Variants in DENND1A observed in about 807,000 individuals in gnomAD.
DENND1A encodes DENN domain-containing protein 1A.
A neutral mutation model predicts 113.7 loss-of-function variants in DENND1A; 51 were observed. The observed-to-expected ratio is 0.45, with a 90% CI of 0.36 to 0.57. The LOEUF is 0.57. Among genes scored for constraint, DENND1A ranks in the 20% least tolerant of loss-of-function variants. DENND1A has a pLI of 0.00. For synonymous variants in DENND1A, 565 were observed against 570.8 expected (o/e 0.99, Z 0.14); for missense variants, 1,258 against 1,395.9 (o/e 0.90, Z 1.57).
At chr9:123,727,562 T>C (rs1420391149) in intron 5 of DENND1A, among the ~76,000 whole-genome samples, 1 of 152,120 alleles carries the variant, frequency 6.6e-6, no homozygotes, top group Admixed American at 6.6e-5. Context: ...AAACAGATGA[T>C]GACTCAAAGG....
At chr9:123,563,144 C>T (rs1438225280) in intron 12 of DENND1A, among the ~76,000 whole-genome samples, 1 of 152,082 alleles carries the variant, frequency 6.6e-6, no homozygotes, top group Non-Finnish European at 1.5e-5. Flanking sequence ...AAGACACAAC[C>T]ACAATGGCAG....
At chr9:123,580,867 G>A (rs1040892574) in intron 12 of DENND1A, among the ~76,000 whole-genome samples, 1 of 152,188 alleles carries the variant, frequency 6.6e-6, no homozygotes, top group Non-Finnish European at 1.5e-5. Flanking sequence ...CTGCCTCAGA[G>A]GGAGGCGGGA....
chr9:123,529,331 G>A (rs534314639), intron 13 of DENND1A, among the ~76,000 whole-genome samples: 27 of 152,126 alleles, frequency 1.8e-4, no homozygotes, highest in Admixed American at 1.2e-3. Flanking sequence ...CTTCTCCCCC[G>A]ACTGTAGTGA....
chr9:123,887,907 T>C (rs549930338), intron 1 of DENND1A, among the ~76,000 whole-genome samples: 2 of 152,260 alleles, frequency 1.3e-5, no homozygotes, highest in South Asian at 2.1e-4. Flanking sequence ...AATGCAGATA[T>C]TAGAATGTGC....
At chr9:123,679,975 A>G (rs1334110279) in intron 5 of DENND1A, among the ~76,000 whole-genome samples, 1 of 152,068 alleles carries the variant, frequency 6.6e-6, no homozygotes, top group Non-Finnish European at 1.5e-5. Flanking sequence ...GGCTCTGTCC[A>G]AGGCTGTGGC....
At chr9:123,445,642 G>T (rs1252914657) in intron 18 of DENND1A, among the ~76,000 whole-genome samples, 1 of 152,158 alleles carries the variant, frequency 6.6e-6, no homozygotes, top group Non-Finnish European at 1.5e-5. Flanking sequence ...AGGCCGAGGC[G>T]GGCAGATCAC....
rs905013819 is a variant in DENND1A, at chr9:123,925,193, G to A, written c.17+4696C>T. ...GTCTAACACAATTCCTGGCATTTAA[G>A]TGCCAGGAATAAATGGTAATATTTT... On this transcript the variant is annotated intron_variant, in intron 1 of 23. Transcript: ENST00000394215. Among the ~76,000 whole-genome samples the A allele has an allele frequency of 8.5e-5, 13 of 152,088 alleles. 1 individual carries two copies. Among genetic ancestry groups the A allele is most frequent in the Admixed American group, 7.9e-4 (12 of 15,274 alleles).
intron 2 of DENND1A, among the ~76,000 whole-genome samples, chr9:123,823,596 C>T (rs923360160): frequency 1.3e-5 from 2 of 152,048 alleles, no homozygotes; most frequent in African/African-American, 2.4e-5. Flanking sequence ...TAAAAGGTAG[C>T]GAAAAGATCC....
chr9:123,695,484 T>TTACA (rs2065452064), intron 5 of DENND1A, among the ~76,000 whole-genome samples: 2 of 150,832 alleles, frequency 1.3e-5, no homozygotes, highest in South Asian at 4.2e-4. Context: ...TCATTGAGTT[T>TTACA]TATATATATA....
intron 13 of DENND1A, chr9:123,485,660 A>ATG (rs2050792334): frequency 3.3e-5 from 1 of 30,630 alleles, no homozygotes; most frequent in Non-Finnish European, 9.4e-5. Flanking sequence ...GCGCGCGCAC[A>ATG]CACACACACA....
At chr9:123,672,058 T>C (rs1269843730) in intron 6 of DENND1A, among the ~76,000 whole-genome samples, 1 of 152,232 alleles carries the variant, frequency 6.6e-6, no homozygotes, top group Non-Finnish European at 1.5e-5. Flanking sequence ...TATTTGTATC[T>C]ATTCACCCTC....
intron 9 of DENND1A, among the ~76,000 whole-genome samples, chr9:123,644,041 G>A (rs1232670850): frequency 6.6e-6 from 1 of 152,164 alleles, no homozygotes; most frequent in Non-Finnish European, 1.5e-5. Context: ...CAGCAAGGAT[G>A]CTGGCCTGGT....
At chr9:123,727,799 G>A (rs1391775843) in intron 5 of DENND1A, among the ~76,000 whole-genome samples, 1 of 151,964 alleles carries the variant, frequency 6.6e-6, no homozygotes, top group Non-Finnish European at 1.5e-5. Flanking sequence ...AAACACCAAA[G>A]AAAGAAATCA....
At chr9:123,812,298 T>C (rs1402566359) in intron 2 of DENND1A, among the ~76,000 whole-genome samples, 3 of 152,224 alleles carry the variant, frequency 2.0e-5, no homozygotes, top group East Asian at 1.9e-4. Flanking sequence ...TTCAAGCAGA[T>C]TGGATCCATT....
intron 3 of DENND1A, among the ~76,000 whole-genome samples, chr9:123,779,691 G>A (rs1052192606): frequency 2.6e-5 from 4 of 151,976 alleles, no homozygotes; most frequent in Non-Finnish European, 4.4e-5. Flanking sequence ...GTAGAGGTGG[G>A]GTTTTGCCAT....
At chr9:123,714,528 G>A (rs2066847562) in intron 5 of DENND1A, among the ~76,000 whole-genome samples, 1 of 152,162 alleles carries the variant, frequency 6.6e-6, no homozygotes, top group African/African-American at 2.4e-5. Flanking sequence ...CTTGAACCCA[G>A]GAGGCAGAGA....
chr9:123,750,189 G>A (rs924537823), intron 5 of DENND1A, among the ~76,000 whole-genome samples: 7 of 152,108 alleles, frequency 4.6e-5, no homozygotes, highest in African/African-American at 1.4e-4. Context: ...GGAGTGCAAG[G>A]GCAGTTTCGG....
intron 5 of DENND1A, among the ~76,000 whole-genome samples, chr9:123,746,828 T>C (rs1326516890): frequency 3.9e-5 from 6 of 152,156 alleles, no homozygotes; most frequent in Non-Finnish European, 7.4e-5. Flanking sequence ...ACAACAGTTA[T>C]CTTTACTCAA....
chr9:123,497,210 T>C (rs2052005102), intron 13 of DENND1A, among the ~76,000 whole-genome samples: 2 of 152,222 alleles, frequency 1.3e-5, no homozygotes, highest in African/African-American at 4.8e-5. Context: ...AGTGTGCACA[T>C]TTAGAACTTA....
Sources: allele counts gnomAD v4.1 joint callset (sites outside exome capture counted in the v4.1 genomes callset), GRCh38; gene constraint gnomAD v4.1.1; transcripts MANE v1.5; gene names NCBI Gene and HGNC (gene_info 2026-07-23, HGNC 2026-07-21).